Variants in YAP1 observed in about 807,000 individuals in gnomAD.
YAP1 encodes Yes1 associated transcriptional regulator.
A neutral mutation model predicts 56.9 loss-of-function variants in YAP1; 5 were observed. The ratio of observed to expected loss-of-function variants is 0.09; its 90% confidence interval spans 0.05 to 0.18. The LOEUF (loss-of-function observed/expected upper bound fraction) is 0.18. YAP1 is among the 10% of genes least tolerant of loss of function. The pLI, the probability that YAP1 is intolerant of heterozygous loss-of-function variation, is 1.00. For missense variants in YAP1, 539 were observed against 651.8 expected (o/e 0.83, Z 1.88); for synonymous variants, 265 against 248.1 (o/e 1.07, Z -0.64).
chr11:102,220,016 G>T (rs1430057073), intron 6 of YAP1, among the ~76,000 whole-genome samples: 2 of 151,766 alleles, frequency 1.3e-5, no homozygotes, highest in Admixed American at 6.6e-5. Context: ...TTACAGGCGT[G>T]AGCCACCACA....
intron 6 of YAP1, among the ~76,000 whole-genome samples, chr11:102,211,035 G>T (rs999226781): frequency 6.6e-6 from 1 of 152,158 alleles, no homozygotes; most frequent in Non-Finnish European, 1.5e-5. Context: ...GATTACAGGC[G>T]TGAGCCACCA....
At position 102,110,864 on chromosome 11, in the gene YAP1, C is replaced by T; in HGVS notation, c.16C>T (p.Gln6Ter). The change falls in exon 1 of 9, where the codon CAG becomes TAG. Residue 6 changes from glutamine (Q) to a stop codon, truncating the protein, a stop_gained. Coordinates refer to ENST00000282441, the MANE Select transcript of YAP1 (RefSeq NM_001130145.3). LOFTEE classifies it high-confidence loss of function. MDPGQ[Q>*]PPPQPAPQGQ... Reference sequence around the variant, plus strand: ...GGCAGAAGCCATGGATCCCGGGCAGCAGCCGCCGCCTCAACCGGCCCCCCA... The same window carrying T: ...GGCAGAAGCCATGGATCCCGGGCAGTAGCCGCCGCCTCAACCGGCCCCCCA... 2.8e-6 allele frequency: 4 copies of T among 1,413,758 alleles called. No homozygotes were observed. Among genetic ancestry groups the T allele is most frequent in the South Asian group, 2.9e-5 (2 of 69,224 alleles). 87.6% of individuals were successfully genotyped at this position (1,413,758 alleles called of 1,614,324 possible).
intron 3 of YAP1, among the ~76,000 whole-genome samples, chr11:102,173,511 A>G (rs1947044908): frequency 6.6e-6 from 1 of 152,182 alleles, no homozygotes; most frequent in African/African-American, 2.4e-5. Context: ...TTGGACCAAA[A>G]TGGTAGAACT....
intron 2 of YAP1, among the ~76,000 whole-genome samples, chr11:102,129,874 C>G (rs1450150306): frequency 1.3e-5 from 2 of 148,984 alleles, no homozygotes; most frequent in African/African-American, 2.5e-5. Context: ...ACTATCTCAG[C>G]TCACTGCAAC....
chr11:102,171,780 A>T (rs73582040), intron 3 of YAP1, among the ~76,000 whole-genome samples: 4,305 of 152,284 alleles, frequency 0.028, 206 homozygotes, highest in African/African-American at 0.099. Context: ...TTGAGATAAT[A>T]GTATTTTTCC....
chr11:102,110,499 A>C lies in YAP1; in HGVS notation c.-350A>C, dbSNP rs1335984235. ...AAAAGAAAGGGAGGAAGGAAGGAAC[A>C]AGAAAAGGAAATAAAGAGAAAGGGG... On this transcript the variant is annotated 5_prime_UTR_variant, in exon 1 of 9. Transcript: ENST00000282441. 1 of 161,718 alleles carries C rather than the reference A, an allele frequency of 6.2e-6. No homozygotes were observed. 10.0% of individuals were successfully genotyped at this position (161,718 alleles called of 1,614,324 possible). A position where few individuals can be genotyped will look rare whatever the true frequency, so the allele number is the denominator to read the frequency against.
At chr11:102,213,659 T>G (rs1949525560) in intron 6 of YAP1, among the ~76,000 whole-genome samples, 1 of 152,186 alleles carries the variant, frequency 6.6e-6, no homozygotes, top group Non-Finnish European at 1.5e-5. Flanking sequence ...ACTGCCTTGT[T>G]GCTGTTATTC....
At chr11:102,183,104 A>G (rs538460892) in intron 3 of YAP1, among the ~76,000 whole-genome samples, 133 of 152,332 alleles carry the variant, frequency 8.7e-4, no homozygotes, top group African/African-American at 3.1e-3. Context: ...TCTACCTGTT[A>G]AATGTGCATG....
At chr11:102,222,888 G>A (rs1275577926) in intron 6 of YAP1, among the ~76,000 whole-genome samples, 2 of 151,130 alleles carry the variant, frequency 1.3e-5, no homozygotes, top group Admixed American at 1.3e-4. Context: ...GGGGGAGGGG[G>A]TCGGGGGGTT....
At chr11:102,118,950 C>T (rs1293537198) in intron 2 of YAP1, among the ~76,000 whole-genome samples, 3 of 151,974 alleles carry the variant, frequency 2.0e-5, no homozygotes, top group Non-Finnish European at 4.4e-5. Context: ...CCCTTTAAAA[C>T]TGAAAAGCTT....
At chr11:102,114,930 C>T (rs1943185202) in intron 2 of YAP1, among the ~76,000 whole-genome samples, 1 of 152,008 alleles carries the variant, frequency 6.6e-6, no homozygotes, top group African/African-American at 2.4e-5. Flanking sequence ...AATATTTCCC[C>T]CCAAAAATGT....
At chr11:102,139,618 A>G (rs897857252) in intron 2 of YAP1, among the ~76,000 whole-genome samples, 3 of 152,202 alleles carry the variant, frequency 2.0e-5, no homozygotes, top group African/African-American at 7.2e-5. Flanking sequence ...ATTTAAGAAT[A>G]CAATGATTCC....
chr11:102,143,680 A>G (rs1945154498), intron 2 of YAP1, among the ~76,000 whole-genome samples: 1 of 152,252 alleles, frequency 6.6e-6, no homozygotes, highest in Non-Finnish European at 1.5e-5. Flanking sequence ...TAGTGTAGGC[A>G]TGAAAGGAAG....
chr11:102,124,951 T>G (rs1943939225), intron 2 of YAP1, among the ~76,000 whole-genome samples: 2 of 152,172 alleles, frequency 1.3e-5, no homozygotes, highest in South Asian at 4.1e-4. Flanking sequence ...TTCCCATGGT[T>G]GGTCTCAAAC....
intron 7 of YAP1, among the ~76,000 whole-genome samples, chr11:102,226,520 AT>A (rs1687659166): frequency 6.6e-6 from 1 of 152,260 alleles, no homozygotes; most frequent in Admixed American, 6.5e-5. Context: ...CCATTGAAGA[AT>A]AACAGCTGCC....
chr11:102,112,516 G>T, intron 1 of YAP1: 7 of 971,976 alleles, frequency 7.2e-6, no homozygotes, highest in Non-Finnish European at 8.4e-6. Context: ...TCCAAATACT[G>T]CAATGTAGTT....
chr11:102,212,502 C>T (rs1438855044), intron 6 of YAP1, among the ~76,000 whole-genome samples: 2 of 152,102 alleles, frequency 1.3e-5, no homozygotes, highest in African/African-American at 4.8e-5. Context: ...AAATTATCAC[C>T]TTAATTTATT....
chr11:102,156,557 G>A (rs898261265), intron 2 of YAP1, among the ~76,000 whole-genome samples: 1 of 152,030 alleles, frequency 6.6e-6, no homozygotes. Flanking sequence ...TGATTATTAC[G>A]AAAAGAGCTA....
In YAP1 at chr11:102,214,912, C is replaced by T. The variant is rs145418409; in HGVS notation, c.1032+5348C>T. The stretch of plus-strand genomic sequence containing the variant: ...ATAATGCTAGGGAACACCAACCTGC[C>T]ATCCTGTTTTGGATGTGATTTTTCA... On this transcript the variant is annotated intron_variant, in intron 6 of 8. Coordinates refer to ENST00000282441, the MANE Select transcript of YAP1 (RefSeq NM_001130145.3). Among the ~76,000 whole-genome samples the T allele has an allele frequency of 1.9e-4, 29 of 152,254 alleles. No individual in the cohort carries two copies. In the East Asian group the frequency reaches 5.4e-3, roughly 28 times the overall value.
Sources: allele counts gnomAD v4.1 joint callset (sites outside exome capture counted in the v4.1 genomes callset), GRCh38; gene constraint gnomAD v4.1.1; transcripts MANE v1.5; gene names NCBI Gene and HGNC (gene_info 2026-07-23, HGNC 2026-07-21).